Variants in ARL15 observed in about 807,000 individuals in gnomAD.
ARL15 encodes the protein ARF like GTPase 15.
Under a neutral mutation model 25.2 loss-of-function variants are expected in ARL15, and 19 were observed. The ratio of observed to expected loss-of-function variants is 0.75; its 90% confidence interval spans 0.53 to 1.10. The LOEUF is 1.10. ARL15 is among the 50% of genes least tolerant of loss of function. The probability of loss-of-function intolerance (pLI) is 0.00; values close to 1 mark genes in which losing one functional copy is unlikely to be tolerated. For synonymous variants in ARL15, 94 were observed against 86.8 expected (o/e 1.08, Z -0.46); for missense variants, 220 against 246.0 (o/e 0.89, Z 0.71).
chr5:54,290,522 G>A (rs1758296489), intron 1 of ARL15, among the ~76,000 whole-genome samples: 1 of 151,914 alleles, frequency 6.6e-6, no homozygotes, highest in Non-Finnish European at 1.5e-5. Flanking sequence ...TGGCCAGGAT[G>A]GTCTCGATCT....
chr5:54,205,300 C>T (rs1292987540), intron 1 of ARL15, among the ~76,000 whole-genome samples: 5 of 152,146 alleles, frequency 3.3e-5, no homozygotes, highest in Non-Finnish European at 4.4e-5. Flanking sequence ...GCTCAGAGAT[C>T]GCTTGCCCAA....
At chr5:53,940,128 G>A (rs1746493331) in intron 4 of ARL15, among the ~76,000 whole-genome samples, 1 of 151,916 alleles carries the variant, frequency 6.6e-6, no homozygotes, top group Non-Finnish European at 1.5e-5. Context: ...ACAGGTGCCT[G>A]CCACGGCTAA....
chr5:54,077,896 T>C (rs377270153), intron 4 of ARL15, among the ~76,000 whole-genome samples: 19 of 152,308 alleles, frequency 1.2e-4, no homozygotes, highest in African/African-American at 4.1e-4. Flanking sequence ...TGGTGGATTC[T>C]GGGACCTTAA....
At position 54,274,003 on chromosome 5, in the gene ARL15, G is replaced by A. The variant is rs189541986; in HGVS notation, c.48+36429C>T. ...GAGGCCGTTAGGTCTTTCTAAGCAA[G>A]GAATGCTGGCATTGGAATCCAGGTA... is the stretch of plus-strand genomic sequence containing the variant. On this transcript the variant is annotated intron_variant, in intron 1 of 4. Coordinates refer to ENST00000504924, the MANE Select transcript of ARL15 (RefSeq NM_019087.3). 2.6e-5 allele frequency among the ~76,000 whole-genome samples: 4 copies of A among 152,316 alleles called. No homozygotes were observed. In the East Asian group the frequency reaches 7.7e-4, roughly 29 times the overall value.
At chr5:54,283,601 C>T (rs1020673103) in intron 1 of ARL15, among the ~76,000 whole-genome samples, 2 of 152,258 alleles carry the variant, frequency 1.3e-5, no homozygotes, top group Middle Eastern at 3.4e-3. Context: ...CCCTGGCATC[C>T]TCAGAGCCCA....
At chr5:54,259,038 C>A (rs1579958601) in intron 1 of ARL15, among the ~76,000 whole-genome samples, 2 of 152,194 alleles carry the variant, frequency 1.3e-5, no homozygotes, top group Admixed American at 1.3e-4. Flanking sequence ...TTCAATCCAG[C>A]CAAGCTATCC....
intron 4 of ARL15, among the ~76,000 whole-genome samples, chr5:54,000,433 T>C (rs1748814909): frequency 1.3e-5 from 2 of 152,324 alleles, no homozygotes; most frequent in South Asian, 4.2e-4. Context: ...AGTGAAATTA[T>C]ACTGAGTGAG....
chr5:54,232,768 C>T (rs753218757), intron 1 of ARL15, among the ~76,000 whole-genome samples: 17 of 152,160 alleles, frequency 1.1e-4, no homozygotes, highest in Non-Finnish European at 2.1e-4. Context: ...CCCACAAGAG[C>T]CATCAATTGG....
chr5:53,900,155 C>A (rs1019428473), intron 4 of ARL15, among the ~76,000 whole-genome samples: 4 of 152,106 alleles, frequency 2.6e-5, no homozygotes, highest in African/African-American at 9.7e-5. Context: ...AGTGTGTGCC[C>A]ACTGGATTCA....
chr5:54,050,458 T>C (rs1452515396), intron 4 of ARL15, among the ~76,000 whole-genome samples: 1 of 152,188 alleles, frequency 6.6e-6, no homozygotes, highest in African/African-American at 2.4e-5. Context: ...CAGAAAATTT[T>C]TGGTGGCTAG....
intron 1 of ARL15, among the ~76,000 whole-genome samples, chr5:54,279,855 T>TA (rs1758010660): frequency 6.6e-6 from 1 of 152,218 alleles, no homozygotes; most frequent in Admixed American, 6.5e-5. Context: ...TGTGCTGGCT[T>TA]ACTGCAGCAG....
intron 1 of ARL15, among the ~76,000 whole-genome samples, chr5:54,274,219 G>T (rs541103342): frequency 1.3e-5 from 2 of 152,232 alleles, no homozygotes; most frequent in South Asian, 4.1e-4. Flanking sequence ...GTCGGCTGAC[G>T]CTGGGTCAGA....
intron 4 of ARL15, among the ~76,000 whole-genome samples, chr5:53,897,418 A>G (rs6450173): frequency 0.94 from 142,746 of 152,336 alleles, 67,496 homozygotes; most frequent in Non-Finnish European, 1. Flanking sequence ...GTATGTATCA[A>G]TACTTCATCC....
chr5:54,020,865 G>T (rs999468181), intron 4 of ARL15, among the ~76,000 whole-genome samples: 1 of 152,048 alleles, frequency 6.6e-6, no homozygotes, highest in Non-Finnish European at 1.5e-5. Context: ...TGAGGCAGGA[G>T]AATCGCTTGA....
chr5:54,273,980 G>C (rs1401332925), intron 1 of ARL15, among the ~76,000 whole-genome samples: 1 of 152,174 alleles, frequency 6.6e-6, no homozygotes, highest in Non-Finnish European at 1.5e-5. Flanking sequence ...GTTCAAAGGA[G>C]GCCGTTAGGT....
At chr5:53,978,814 GAGA>G (rs1316055997) in intron 4 of ARL15, among the ~76,000 whole-genome samples, 3 of 152,004 alleles carry the variant, frequency 2.0e-5, no homozygotes, top group Non-Finnish European at 4.4e-5. Flanking sequence ...ATAGTGGAAG[GAGA>G]AGCACAACCA....
At chr5:54,151,044 A>G in intron 3 of ARL15, among the ~76,000 whole-genome samples, 1 of 152,148 alleles carries the variant, frequency 6.6e-6, no homozygotes. Flanking sequence ...AAATGACCAC[A>G]GTCAAATCAT....
At position 54,055,248 on chromosome 5, in the gene ARL15, C is replaced by A. The variant is rs10050767; in HGVS notation, c.462+57954G>T. ...TTCTGCACATTTCATCTACAGTAAA[C>A]GGCATAGTATGACATGTGGCCTTTT... On this transcript the variant is annotated intron_variant, in intron 4 of 4. Coordinates refer to ENST00000504924, the MANE Select transcript of ARL15 (RefSeq NM_019087.3). 5.8e-3 allele frequency among the ~76,000 whole-genome samples: 874 copies of A among 151,698 alleles called. 5 individuals carry two copies. Among genetic ancestry groups the A allele is most frequent in the African/African-American group, 0.02 (827 of 41,376 alleles).
intron 4 of ARL15, among the ~76,000 whole-genome samples, chr5:53,929,221 G>A (rs908857092): frequency 2.0e-5 from 3 of 150,770 alleles, no homozygotes; most frequent in African/African-American, 4.9e-5. Context: ...AGATAGAAGC[G>A]AAAAGGGACA....
Sources: gnomAD v4.1 joint callset for allele counts (sites outside exome capture counted in the v4.1 genomes callset) on GRCh38, gnomAD v4.1.1 for gene constraint, MANE v1.5 for transcripts, NCBI Gene and HGNC (gene_info 2026-07-23, HGNC 2026-07-21) for gene names.